PEX14: variants seen among roughly 807,000 people sequenced by gnomAD.
PEX14 encodes peroxisomal membrane protein PEX14.
In PEX14, 15 loss-of-function variants were observed where a neutral mutation model predicts 49.5. That is an observed-to-expected ratio of 0.30 (90% CI 0.20 to 0.47). The LOEUF (loss-of-function observed/expected upper bound fraction) is 0.47. Ranked by LOEUF, PEX14 falls within the 20% of genes least tolerant of loss-of-function variation. The pLI is 1.00. For missense variants in PEX14, 398 were observed against 494.8 expected, an observed-to-expected ratio of 0.80 and a Z score of 1.86; for synonymous variants, 210 against 212.7, an observed-to-expected ratio of 0.99 and a Z score of 0.11.
chr1:10,480,535 AG>A (rs1386505692), intron 1 of PEX14, among the ~76,000 whole-genome samples: 1 of 151,772 alleles, frequency 6.6e-6, no homozygotes, highest in African/African-American at 2.4e-5. Context: ...CTGGGACTAC[AG>A]GTGCCCGCCA....
rs1641546041 is a variant in PEX14, at chr1:10,620,108, C to T, written c.384+1691C>T. Among the ~76,000 whole-genome samples, 3 of 151,740 alleles carry T rather than the reference C, an allele frequency of 2.0e-5. No homozygotes were observed. The South Asian group carries it at 6.3e-4, about 32-fold the overall frequency. On this transcript the variant is annotated intron_variant, in intron 5 of 8. Transcript: ENST00000356607. Reference sequence around the variant, plus strand: ...CTAGCCTGGGTGACAGAGCAAGACTCCTTCTCAAAAAAGAAAAAGAAAAAG... The same window carrying T: ...CTAGCCTGGGTGACAGAGCAAGACTTCTTCTCAAAAAAGAAAAAGAAAAAG...
At chr1:10,526,557 T>C (rs1359369590) in intron 2 of PEX14, among the ~76,000 whole-genome samples, 1 of 152,178 alleles carries the variant, frequency 6.6e-6, no homozygotes. Context: ...ACTTTAGTTT[T>C]TTTGTTTAGG....
In PEX14 at chr1:10,534,652, T is replaced by G. The variant is rs551905714; in HGVS notation, c.85-1561T>G. 3.3e-5 allele frequency among the ~76,000 whole-genome samples: 5 copies of G among 152,268 alleles called. No homozygotes were observed. The East Asian group carries it at 9.7e-4, about 29-fold the overall frequency. ...CTTTAGTCCAGAACTGGTCTATTAC[T>G]GTGGTTCATGACGGTGGTTAGTACT... On this transcript the variant is annotated intron_variant, in intron 2 of 8. Coordinates refer to ENST00000356607, the MANE Select transcript of PEX14 (RefSeq NM_004565.3).
At chr1:10,535,836 C>T (rs937116357) in intron 2 of PEX14, 1 of 354,860 alleles carries the variant, frequency 2.8e-6, no homozygotes, top group Non-Finnish European at 5.5e-6. Flanking sequence ...CAGGTGGAGG[C>T]AGGAAAGGGA....
intron 3 of PEX14, among the ~76,000 whole-genome samples, chr1:10,564,197 G>A (rs564116503): frequency 6.6e-6 from 1 of 151,924 alleles, no homozygotes; most frequent in South Asian, 2.1e-4. Context: ...ATATTGTTCT[G>A]TCTTGTTCTC....
At chr1:10,513,564 C>T (rs887582787) in intron 2 of PEX14, among the ~76,000 whole-genome samples, 2 of 152,178 alleles carry the variant, frequency 1.3e-5, no homozygotes, top group South Asian at 2.1e-4. Context: ...CGCAGGTTCC[C>T]TCTTGGTTCT....
chr1:10,523,893 A>T lies in PEX14; in HGVS notation c.85-12320A>T, dbSNP rs144282264. ...GAGGAACCAAAAGTCTAGAAAATGT[A>T]TCCGGGAGTCCTCGTCAATTTGGGG... On this transcript the variant is annotated intron_variant, in intron 2 of 8. Coordinates refer to ENST00000356607, the MANE Select transcript of PEX14 (RefSeq NM_004565.3). Among the ~76,000 whole-genome samples, 276 of 152,014 alleles carry T rather than the reference A, an allele frequency of 1.8e-3. 1 individual carries two copies. Among genetic ancestry groups the T allele is most frequent in the Middle Eastern group, 6.9e-3 (2 of 290 alleles).
chr1:10,590,545 TG>T (rs1030153716), intron 3 of PEX14, among the ~76,000 whole-genome samples: 22 of 152,208 alleles, frequency 1.4e-4, no homozygotes, highest in African/African-American at 4.1e-4. Flanking sequence ...CGTAAGAAAC[TG>T]GGGGGTAGGG....
At chr1:10,515,625 C>CT (rs766835451) in intron 2 of PEX14, among the ~76,000 whole-genome samples, 20 of 152,282 alleles carry the variant, frequency 1.3e-4, no homozygotes, top group Non-Finnish European at 2.8e-4. Flanking sequence ...TACTCCTGTG[C>CT]TTCTAATTGT....
At chr1:10,476,699 C>G (rs1283340497) in intron 1 of PEX14, among the ~76,000 whole-genome samples, 1 of 152,022 alleles carries the variant, frequency 6.6e-6, no homozygotes, top group Non-Finnish European at 1.5e-5. Flanking sequence ...CCATGTTGGC[C>G]AGGCTGGTCT....
intron 5 of PEX14, among the ~76,000 whole-genome samples, chr1:10,621,635 G>A (rs919705331): frequency 1.3e-5 from 2 of 152,112 alleles, no homozygotes; most frequent in East Asian, 1.9e-4. Flanking sequence ...GTGAGCCACC[G>A]CGCCCGGCCA....
At chr1:10,518,919 C>T (rs563678102) in intron 2 of PEX14, among the ~76,000 whole-genome samples, 1 of 152,172 alleles carries the variant, frequency 6.6e-6, no homozygotes, top group African/African-American at 2.4e-5. Flanking sequence ...TCGTTATGTC[C>T]GTTTTGTCCT....
chr1:10,572,588 G>T (rs1450612730), intron 3 of PEX14, among the ~76,000 whole-genome samples: 1 of 152,148 alleles, frequency 6.6e-6, no homozygotes, highest in Non-Finnish European at 1.5e-5. Context: ...AGGCTGGAGT[G>T]CGGTGGCGCA....
Position 10,536,955 on chromosome 1 carries a change from A to G in PEX14, c.169+658A>G, listed in dbSNP as rs138366138. Reference sequence around the variant, plus strand: ...CAATTTTTTATACATGTAATTTTCTAGAAATCTAGGAAGTCATTTACACAT... The same window carrying G: ...CAATTTTTTATACATGTAATTTTCTGGAAATCTAGGAAGTCATTTACACAT... On this transcript the variant is annotated intron_variant, in intron 3 of 8. Coordinates refer to ENST00000356607, the MANE Select transcript of PEX14 (RefSeq NM_004565.3). Among the ~76,000 whole-genome samples the G allele has an allele frequency of 1.8e-4, 27 of 152,330 alleles. No homozygotes were observed. In the East Asian group the frequency reaches 5.2e-3, roughly 29 times the overall value.
At chr1:10,554,901 G>C (rs983148262) in intron 3 of PEX14, among the ~76,000 whole-genome samples, 1 of 151,978 alleles carries the variant, frequency 6.6e-6, no homozygotes, top group Admixed American at 6.6e-5. Flanking sequence ...AGTTTTAGTA[G>C]AGATGGGGTT....
intron 3 of PEX14, among the ~76,000 whole-genome samples, chr1:10,570,846 G>C (rs1639949103): frequency 1.4e-5 from 1 of 71,098 alleles, no homozygotes; most frequent in African/African-American, 4.0e-5. Context: ...AATGTCAACA[G>C]GGTTTTTTTT....
intron 3 of PEX14, among the ~76,000 whole-genome samples, chr1:10,548,567 T>G (rs1268959538): frequency 6.6e-6 from 1 of 152,186 alleles, no homozygotes; most frequent in African/African-American, 2.4e-5. Flanking sequence ...AAATCTAAGT[T>G]TATCTGTTGG....
intron 2 of PEX14, chr1:10,517,204 T>C (rs1357731132): frequency 8.2e-6 from 1 of 122,560 alleles, no homozygotes; most frequent in Non-Finnish European, 1.9e-5. Flanking sequence ...GCAAAGCTGC[T>C]TTCTCTTCCC....
At chr1:10,546,288 G>A (rs1056296589) in intron 3 of PEX14, among the ~76,000 whole-genome samples, 3 of 152,088 alleles carry the variant, frequency 2.0e-5, no homozygotes, top group Admixed American at 6.6e-5. Context: ...CAGTTAGGCC[G>A]GGTGCAGTGG....
Sources: allele counts gnomAD v4.1 joint callset (sites outside exome capture counted in the v4.1 genomes callset), GRCh38; gene constraint gnomAD v4.1.1; transcripts MANE v1.5; gene names NCBI Gene and HGNC (gene_info 2026-07-23, HGNC 2026-07-21).